LRRC4C: variants seen among roughly 807,000 people sequenced by gnomAD.
The protein encoded by LRRC4C is leucine-rich repeat-containing protein 4C.
Under a neutral mutation model 33.6 loss-of-function variants are expected in LRRC4C, and 5 were observed. The observed-to-expected ratio is 0.15, with a 90% confidence interval of 0.08 to 0.31. The LOEUF (loss-of-function observed/expected upper bound fraction) is 0.31, where lower values mean the gene tolerates loss of function less well. Among genes scored for constraint, LRRC4C ranks in the 10% least tolerant of loss-of-function variants. The pLI, the probability that LRRC4C is intolerant of heterozygous loss-of-function variation, is 1.00. For synonymous variants in LRRC4C, 329 were observed against 302.0 expected, an observed-to-expected ratio of 1.09 and a Z score of -0.93; for missense variants, 560 against 796.7, an observed-to-expected ratio of 0.70 and a Z score of 3.58.
intron 3 of LRRC4C, among the ~76,000 whole-genome samples, chr11:40,585,837 G>T (rs1260065928): frequency 1.5e-5 from 2 of 135,920 alleles, no homozygotes; most frequent in African/African-American, 2.7e-5. Context: ...ATTCCATGGT[G>T]TATATGTGCC....
At chr11:40,579,770 A>G (rs1958384391) in intron 3 of LRRC4C, among the ~76,000 whole-genome samples, 1 of 152,208 alleles carries the variant, frequency 6.6e-6, no homozygotes, top group African/African-American at 2.4e-5. Context: ...AAAACAGTGT[A>G]TAGAACCCTA....
chr11:41,276,396 A>G (rs1419838864), intron 1 of LRRC4C, among the ~76,000 whole-genome samples: 1 of 152,162 alleles, frequency 6.6e-6, no homozygotes, highest in Non-Finnish European at 1.5e-5. Context: ...CTTGTCTCAA[A>G]CACTACTTCT....
At chr11:41,443,264 T>C (rs1955711979) in intron 1 of LRRC4C, among the ~76,000 whole-genome samples, 1 of 152,018 alleles carries the variant, frequency 6.6e-6, no homozygotes, top group African/African-American at 2.4e-5. Context: ...TCACAGCAGT[T>C]TGGCAGGTTA....
intron 3 of LRRC4C, among the ~76,000 whole-genome samples, chr11:40,437,880 G>A (rs946040162): frequency 1.3e-5 from 2 of 152,104 alleles, no homozygotes; most frequent in Non-Finnish European, 2.9e-5. Context: ...ACTAATTTTT[G>A]TATTTTTAGT....
chr11:41,163,565 T>A (rs1487290199), intron 1 of LRRC4C, among the ~76,000 whole-genome samples: 1 of 151,690 alleles, frequency 6.6e-6, no homozygotes, highest in Non-Finnish European at 1.5e-5. Flanking sequence ...ATTACAGGCA[T>A]GAGCCACCAC....
intron 1 of LRRC4C, among the ~76,000 whole-genome samples, chr11:41,281,752 G>A (rs977119809): frequency 3.9e-5 from 6 of 152,196 alleles, no homozygotes; most frequent in Non-Finnish European, 8.8e-5. Context: ...TAGGTCAAGA[G>A]CTACTTGTTC....
At position 40,482,126 on chromosome 11, in the gene LRRC4C, A is replaced by G. The variant is rs888582503; in HGVS notation, c.-269-162405T>C. Among the ~76,000 whole-genome samples the G allele has an allele frequency of 2.0e-5, 3 of 152,338 alleles. No homozygotes were observed. In the South Asian group the frequency reaches 6.2e-4, roughly 32 times the overall value. On this transcript the variant is annotated intron_variant, in intron 3 of 6. Coordinates refer to ENST00000528697, the MANE Select transcript of LRRC4C (RefSeq NM_001258419.2). Reference sequence around the variant, plus strand: ...CTTGTTAGTTTGGTAACAATCATATAGATCTTTGACTCAAAGAATGGTCTT... The same window carrying G: ...CTTGTTAGTTTGGTAACAATCATATGGATCTTTGACTCAAAGAATGGTCTT...
At chr11:41,127,481 T>G (rs1238257584) in intron 1 of LRRC4C, among the ~76,000 whole-genome samples, 2 of 152,082 alleles carry the variant, frequency 1.3e-5, no homozygotes, top group Non-Finnish European at 2.9e-5. Context: ...TTTTCTTTGT[T>G]TTTGCTTTTG....
intron 2 of LRRC4C, among the ~76,000 whole-genome samples, chr11:40,726,174 A>T (rs1947284585): frequency 6.6e-6 from 1 of 152,060 alleles, no homozygotes; most frequent in Admixed American, 6.6e-5. Context: ...CAAAAAAAAA[A>T]AAAAAATTCC....
chr11:40,997,189 TA>T (rs983992571), intron 1 of LRRC4C, among the ~76,000 whole-genome samples: 1 of 151,764 alleles, frequency 6.6e-6, no homozygotes, highest in Non-Finnish European at 1.5e-5. Context: ...AATCAATAAA[TA>T]AGAGAGTATA....
intron 1 of LRRC4C, among the ~76,000 whole-genome samples, chr11:41,457,406 T>C (rs574001251): frequency 1.3e-5 from 2 of 152,282 alleles, no homozygotes; most frequent in South Asian, 4.1e-4. Context: ...TAAGGAATGC[T>C]GATTGTCCAG....
intron 3 of LRRC4C, among the ~76,000 whole-genome samples, chr11:40,474,285 A>G (rs1273570177): frequency 6.6e-6 from 1 of 152,220 alleles, no homozygotes; most frequent in Non-Finnish European, 1.5e-5. Flanking sequence ...CCACACATCT[A>G]CAACCATTGG....
chr11:41,110,113 A>C (rs374438760), intron 1 of LRRC4C, among the ~76,000 whole-genome samples: 1 of 152,036 alleles, frequency 6.6e-6, no homozygotes, highest in African/African-American at 2.4e-5. Flanking sequence ...TACTCTGCTT[A>C]TCTATATTTA....
At chr11:41,285,530 T>C (rs1051135687) in intron 1 of LRRC4C, among the ~76,000 whole-genome samples, 27 of 152,172 alleles carry the variant, frequency 1.8e-4, no homozygotes, top group African/African-American at 6.3e-4. Flanking sequence ...GACACATATA[T>C]TGAACACACT....
chr11:40,969,275 G>A (rs541958673), intron 1 of LRRC4C, among the ~76,000 whole-genome samples: 10 of 120,104 alleles, frequency 8.3e-5, no homozygotes, highest in African/African-American at 2.8e-4. Context: ...TTAGGGAGTT[G>A]TTTCTTATGG....
At chr11:41,352,042 G>T (rs1952002531) in intron 1 of LRRC4C, among the ~76,000 whole-genome samples, 1 of 152,118 alleles carries the variant, frequency 6.6e-6, no homozygotes, top group Admixed American at 6.6e-5. Context: ...AACCTTAAAT[G>T]TAAGTGGCAC....
At chr11:40,289,966 T>C (rs1944082522) in intron 4 of LRRC4C, among the ~76,000 whole-genome samples, 1 of 151,894 alleles carries the variant, frequency 6.6e-6, no homozygotes, top group South Asian at 2.1e-4. Flanking sequence ...AGGGAGGAGG[T>C]GACACTATCA....
intron 2 of LRRC4C, among the ~76,000 whole-genome samples, chr11:40,698,003 GC>G (rs1189468415): frequency 1.3e-5 from 2 of 150,254 alleles, no homozygotes; most frequent in African/African-American, 4.9e-5. Context: ...GGGAGGCAGA[GC>G]TTACAGTGAG....
At chr11:40,958,823 A>T (rs1304289865) in intron 1 of LRRC4C, among the ~76,000 whole-genome samples, 1 of 151,752 alleles carries the variant, frequency 6.6e-6, no homozygotes, top group Non-Finnish European at 1.5e-5. Context: ...TTACAACAGG[A>T]AGAGGAGCTA....
Sources: allele counts gnomAD v4.1 joint callset (sites outside exome capture counted in the v4.1 genomes callset), GRCh38; gene constraint gnomAD v4.1.1; transcripts MANE v1.5; gene names NCBI Gene and HGNC (gene_info 2026-07-23, HGNC 2026-07-21).